The following CDIN1 variants were observed in gnomAD, a reference collection of about 807,000 sequenced individuals.
CDIN1 encodes the protein CDAN1-interacting nuclease 1.
A neutral mutation model predicts 45.3 loss-of-function variants in CDIN1; 33 were observed. That is an observed-to-expected ratio of 0.73 (90% confidence interval 0.55 to 0.97). The LOEUF (loss-of-function observed/expected upper bound fraction) is 0.97, where lower values mean the gene tolerates loss of function less well. Ranked by LOEUF, CDIN1 falls within the 50% of genes least tolerant of loss-of-function variation. The pLI, the probability that CDIN1 is intolerant of heterozygous loss-of-function variation, is 0.00. For missense variants in CDIN1, 303 were observed against 339.4 expected (o/e 0.89, Z 0.84); for synonymous variants, 118 against 124.4 (o/e 0.95, Z 0.34).
chr15:36,745,524 ACTAGT>A (rs1044369350), intron 10 of CDIN1, among the ~76,000 whole-genome samples: 11 of 152,160 alleles, frequency 7.2e-5, no homozygotes, highest in Admixed American at 6.5e-4. Context: ...ACAACTGTTA[ACTAGT>A]CTTCTTCCTC....
chr15:36,799,363 C>T (rs540970082), intron 10 of CDIN1: 1 of 152,156 alleles, frequency 6.6e-6, no homozygotes, highest in African/African-American at 2.4e-5. Flanking sequence ...CTCCATGCAT[C>T]CTGTTTGAAA....
intron 1 of CDIN1, among the ~76,000 whole-genome samples, chr15:36,639,381 G>C: frequency 6.7e-6 from 1 of 148,842 alleles, no homozygotes. Flanking sequence ...CAAGGTGGGG[G>C]ATCACTTGAG....
At chr15:36,806,843 G>C (rs550519890) in intron 10 of CDIN1, among the ~76,000 whole-genome samples, 3 of 152,128 alleles carry the variant, frequency 2.0e-5, no homozygotes, top group African/African-American at 7.2e-5. Context: ...TGTGAGCTTC[G>C]TCTTGTATGC....
chr15:36,601,622 A>ACT, intron 1 of CDIN1, among the ~76,000 whole-genome samples: 1 of 152,334 alleles, frequency 6.6e-6, no homozygotes, highest in East Asian at 1.9e-4. Context: ...GTCTGCCATG[A>ACT]GGTCACAAAT....
At chr15:36,621,846 T>A (rs1434397706) in intron 1 of CDIN1, among the ~76,000 whole-genome samples, 1 of 151,388 alleles carries the variant, frequency 6.6e-6, no homozygotes, top group Non-Finnish European at 1.5e-5. Context: ...GGAAAGCTTT[T>A]GTTGTTTGAC....
chr15:36,706,166 A>G (rs2042857129), intron 8 of CDIN1: 1 of 152,194 alleles, frequency 6.6e-6, no homozygotes, highest in Admixed American at 6.6e-5. Flanking sequence ...GAAAACATAA[A>G]TTGTAAAACT....
chr15:36,774,769 G>GAGTGT (rs1289360131), intron 10 of CDIN1, among the ~76,000 whole-genome samples: 1 of 152,118 alleles, frequency 6.6e-6, no homozygotes, highest in Non-Finnish European at 1.5e-5. Flanking sequence ...TGGTCTCCAG[G>GAGTGT]AGAAACAAAG....
At chr15:36,710,266 T>C (rs1465739820) in intron 10 of CDIN1, among the ~76,000 whole-genome samples, 1 of 152,190 alleles carries the variant, frequency 6.6e-6, no homozygotes, top group Admixed American at 6.5e-5. Flanking sequence ...TATTACAGTA[T>C]TGACACTGAA....
At chr15:36,651,665 C>T (rs1406129831) in intron 3 of CDIN1, among the ~76,000 whole-genome samples, 1 of 151,954 alleles carries the variant, frequency 6.6e-6, no homozygotes, top group African/African-American at 2.4e-5. Context: ...CTCACTAGGC[C>T]TCGAGGGATC....
chr15:36,644,432 G>A (rs1454628559), intron 2 of CDIN1, 109 bp downstream of exon 2: 2 of 1,187,952 alleles, frequency 1.7e-6, no homozygotes, highest in Non-Finnish European at 2.4e-6. Context: ...GTTGGAGGAT[G>A]TTCTCCTTTC....
At chr15:36,765,460 G>T (rs1469916227) in intron 10 of CDIN1, among the ~76,000 whole-genome samples, 2 of 152,064 alleles carry the variant, frequency 1.3e-5, no homozygotes, top group Non-Finnish European at 2.9e-5. Context: ...AACCAACACG[G>T]TAGGTGAGAT....
intron 10 of CDIN1, chr15:36,798,482 AGAGT>A (rs2054895737): frequency 6.6e-6 from 1 of 152,340 alleles, no homozygotes; most frequent in South Asian, 2.1e-4. Context: ...CTGCCCATTT[AGAGT>A]GAGTTGGGAT....
chr15:36,740,975 C>T (rs773156760), intron 10 of CDIN1, among the ~76,000 whole-genome samples: 24 of 151,974 alleles, frequency 1.6e-4, no homozygotes, highest in Admixed American at 1.2e-3. Context: ...CTCACTCTCT[C>T]ACCCAGGCTA....
At chr15:36,769,063 C>T (rs762419811) in intron 10 of CDIN1, among the ~76,000 whole-genome samples, 2 of 152,096 alleles carry the variant, frequency 1.3e-5, no homozygotes, top group Admixed American at 6.5e-5. Flanking sequence ...CATCCCTGGG[C>T]CTTCTGATAA....
At chr15:36,660,043 A>G (rs2040946626) in intron 5 of CDIN1, among the ~76,000 whole-genome samples, 1 of 139,264 alleles carries the variant, frequency 7.2e-6, no homozygotes, top group Non-Finnish European at 1.5e-5. Flanking sequence ...CCTTCAGAGC[A>G]TGGGCCTGGC....
At chr15:36,622,061 T>G (rs2039221058) in intron 1 of CDIN1, among the ~76,000 whole-genome samples, 1 of 152,198 alleles carries the variant, frequency 6.6e-6, no homozygotes, top group Non-Finnish European at 1.5e-5. Flanking sequence ...TATAAGTGGT[T>G]AGAATTTTAT....
At chr15:36,763,178 C>T (rs937695579) in intron 10 of CDIN1, among the ~76,000 whole-genome samples, 137 of 152,226 alleles carry the variant, frequency 9.0e-4, no homozygotes, top group African/African-American at 3.0e-3. Flanking sequence ...TTTTAATGAT[C>T]GCCATTCTAA....
chr15:36,809,541 T>G lies in CDIN1; in HGVS notation c.*1088T>G, dbSNP rs1331309003. Reference sequence around the variant, plus strand: ...ACTTTTATGTACTGCAAATCAGATTTCAGTCTAAAGCGAAACATCAGTAAG... The same window carrying G: ...ACTTTTATGTACTGCAAATCAGATTGCAGTCTAAAGCGAAACATCAGTAAG... On this transcript the variant is annotated 3_prime_UTR_variant, in exon 11 of 11. Coordinates refer to ENST00000566621, the MANE Select transcript of CDIN1 (RefSeq NM_001321759.2). 6.6e-6 allele frequency: 1 copy of G among 152,168 alleles called. No individual in the cohort carries two copies. Among genetic ancestry groups the G allele is most frequent in the African/African-American group, 2.4e-5 (1 of 41,446 alleles). 9.4% of individuals were successfully genotyped at this position (152,168 alleles called of 1,614,324 possible). A position where few individuals can be genotyped will look rare whatever the true frequency, so the allele number is the denominator to read the frequency against.
At chr15:36,690,461 G>A (rs2042206773) in intron 5 of CDIN1, among the ~76,000 whole-genome samples, 1 of 151,666 alleles carries the variant, frequency 6.6e-6, no homozygotes, top group South Asian at 2.1e-4. Context: ...GTAGAGACGG[G>A]GTTTCACCTT....
Sources: allele counts gnomAD v4.1 joint callset (sites outside exome capture counted in the v4.1 genomes callset), GRCh38; gene constraint gnomAD v4.1.1; transcripts MANE v1.5; gene names NCBI Gene and HGNC (gene_info 2026-07-23, HGNC 2026-07-21).